MARCHF1: variants seen among roughly 807,000 people sequenced by gnomAD.
MARCHF1 encodes the protein membrane associated ring-CH-type finger 1, also known as E3 ubiquitin-protein ligase MARCHF1.
A neutral mutation model predicts 54.2 loss-of-function variants in MARCHF1; 40 were observed. That is an observed-to-expected ratio of 0.74 (90% CI 0.57 to 0.96). MARCHF1 has a LOEUF of 0.96. Among genes scored for constraint, MARCHF1 ranks in the 40% least tolerant of loss-of-function variants. The pLI is 0.00. For missense variants in MARCHF1, 586 were observed against 656.5 expected, an observed-to-expected ratio of 0.89 and a Z score of 1.17; for synonymous variants, 236 against 236.3, an observed-to-expected ratio of 1.00 and a Z score of 0.01.
chr4:163,986,249 C>CCTTTT (rs1752864138), intron 3 of MARCHF1, among the ~76,000 whole-genome samples: 2 of 28,830 alleles, frequency 6.9e-5, no homozygotes, highest in Non-Finnish European at 1.5e-4. Context: ...TTAACCTCTT[C>CCTTTT]TTTTTTTTTT....
At chr4:164,286,079 A>C (rs1734141566) in intron 1 of MARCHF1, among the ~76,000 whole-genome samples, 1 of 152,078 alleles carries the variant, frequency 6.6e-6, no homozygotes, top group African/African-American at 2.4e-5. Flanking sequence ...CACTCCATAA[A>C]CCAAAATAGC....
chr4:163,732,887 C>T (rs919926907), intron 4 of MARCHF1, among the ~76,000 whole-genome samples: 20 of 151,910 alleles, frequency 1.3e-4, no homozygotes, highest in Non-Finnish European at 2.2e-4. Context: ...TGCGGTGGCT[C>T]CCGCCTGTAA....
chr4:163,882,436 T>C (rs1750436149), intron 3 of MARCHF1, among the ~76,000 whole-genome samples: 1 of 152,212 alleles, frequency 6.6e-6, no homozygotes. Context: ...AAAGGTGTAC[T>C]ACTTGAGTCA....
At chr4:163,944,965 G>T (rs755637412) in intron 3 of MARCHF1, among the ~76,000 whole-genome samples, 4 of 152,150 alleles carry the variant, frequency 2.6e-5, no homozygotes, top group Non-Finnish European at 5.9e-5. Flanking sequence ...AGCACAGGTT[G>T]CTGGTTCATC....
intron 4 of MARCHF1, among the ~76,000 whole-genome samples, chr4:163,721,147 A>G (rs1280750045): frequency 6.6e-6 from 1 of 152,206 alleles, no homozygotes; most frequent in Non-Finnish European, 1.5e-5. Context: ...CCCATTCGGT[A>G]TGATACTGGC....
At chr4:164,320,292 T>G (rs535029558) in intron 1 of MARCHF1, among the ~76,000 whole-genome samples, 12 of 152,304 alleles carry the variant, frequency 7.9e-5, no homozygotes, top group African/African-American at 2.9e-4. Context: ...CAAAATCCTC[T>G]GCCAGGTGAT....
intron 8 of MARCHF1, among the ~76,000 whole-genome samples, chr4:163,553,336 C>T (rs895907827): frequency 6.6e-6 from 1 of 152,176 alleles, no homozygotes; most frequent in African/African-American, 2.4e-5. Context: ...TAGATTAATG[C>T]GTCATGCTGA....
chr4:164,362,588 G>A (rs1222618282), intron 1 of MARCHF1, among the ~76,000 whole-genome samples: 1 of 152,046 alleles, frequency 6.6e-6, no homozygotes, highest in Non-Finnish European at 1.5e-5. Flanking sequence ...AAATTTTCTC[G>A]CATAAACCAA....
chr4:164,160,202 A>G (rs1413128302), intron 1 of MARCHF1, among the ~76,000 whole-genome samples: 1 of 152,150 alleles, frequency 6.6e-6, no homozygotes, highest in African/African-American at 2.4e-5. Flanking sequence ...GTTCTGAGAA[A>G]TGCATCCTTG....
At chr4:164,314,794 T>C (rs1222799535) in intron 1 of MARCHF1, among the ~76,000 whole-genome samples, 5 of 152,226 alleles carry the variant, frequency 3.3e-5, no homozygotes, top group Non-Finnish European at 4.4e-5. Flanking sequence ...ATCTCTACTG[T>C]ACGTCAGATA....
intron 3 of MARCHF1, among the ~76,000 whole-genome samples, chr4:163,869,630 C>T (rs1750128013): frequency 6.6e-6 from 1 of 152,006 alleles, no homozygotes; most frequent in Admixed American, 6.6e-5. Context: ...AATGCTGATA[C>T]AAGAGAACCT....
chr4:164,167,539 G>C (rs1730413001), intron 1 of MARCHF1, among the ~76,000 whole-genome samples: 1 of 150,924 alleles, frequency 6.6e-6, no homozygotes, highest in African/African-American at 2.4e-5. Flanking sequence ...ATATTACAAA[G>C]CTATAGTAAT....
chr4:163,964,243 G>C (rs150032022), intron 3 of MARCHF1, among the ~76,000 whole-genome samples: 459 of 152,004 alleles, frequency 3.0e-3, no homozygotes, highest in Non-Finnish European at 4.3e-3. Context: ...TGTCACTAAT[G>C]AGAGAACAGA....
At chr4:164,367,874 G>C (rs1171302927) in intron 1 of MARCHF1, among the ~76,000 whole-genome samples, 2 of 151,670 alleles carry the variant, frequency 1.3e-5, no homozygotes, top group South Asian at 2.1e-4. Context: ...CTTTTGTTTA[G>C]TATCTTTTGT....
chr4:164,163,892 A>G (rs541153894), intron 1 of MARCHF1, among the ~76,000 whole-genome samples: 1 of 152,078 alleles, frequency 6.6e-6, no homozygotes, highest in Admixed American at 6.6e-5. Flanking sequence ...TTCTCAGACT[A>G]TGATGAAATT....
In MARCHF1 at chr4:163,987,275, G is replaced by C. The variant is rs575853212; in HGVS notation, c.-39+1226C>G. On this transcript the variant is annotated intron_variant, in intron 3 of 9. Transcript: ENST00000514618. ...TTCCAGAAATATTTGATGTGTTTAT[G>C]ATGAGGCAATTACTAATGTAAAAGT... 3.3e-5 allele frequency among the ~76,000 whole-genome samples: 5 copies of C among 152,164 alleles called. 1 individual carries two copies. The South Asian group carries it at 6.2e-4, about 19-fold the overall frequency.
intron 4 of MARCHF1, among the ~76,000 whole-genome samples, chr4:163,750,082 C>T (rs1250653294): frequency 1.3e-5 from 2 of 148,962 alleles, no homozygotes; most frequent in Non-Finnish European, 3.0e-5. Context: ...AAAAAAAGAT[C>T]TCTTCCTCTT....
At chr4:164,186,427 G>A (rs1730972349) in intron 1 of MARCHF1, among the ~76,000 whole-genome samples, 1 of 152,134 alleles carries the variant, frequency 6.6e-6, no homozygotes, top group Non-Finnish European at 1.5e-5. Flanking sequence ...CCAATACACT[G>A]CTCACTTCCA....
chr4:163,650,579 A>G (rs1353276895), intron 5 of MARCHF1, among the ~76,000 whole-genome samples: 1 of 151,974 alleles, frequency 6.6e-6, no homozygotes, highest in Non-Finnish European at 1.5e-5. Context: ...GTACTATGTT[A>G]GTTCTCTTCT....
Sources: gnomAD v4.1 joint callset for allele counts (sites outside exome capture counted in the v4.1 genomes callset) on GRCh38, gnomAD v4.1.1 for gene constraint, MANE v1.5 for transcripts, NCBI Gene and HGNC (gene_info 2026-07-23, HGNC 2026-07-21) for gene names.